COMMD1: variants seen among roughly 807,000 people sequenced by gnomAD.
COMMD1 encodes COMM domain-containing protein 1.
A neutral mutation model predicts 17.2 loss-of-function variants in COMMD1; 10 were observed. The ratio of observed to expected loss-of-function variants is 0.58; its 90% CI spans 0.36 to 0.99. COMMD1 has a LOEUF of 0.99. Among genes scored for constraint, COMMD1 ranks in the 50% least tolerant of loss-of-function variants. The pLI is 0.01. For missense variants in COMMD1, 270 were observed against 231.8 expected, an observed-to-expected ratio of 1.17 and a Z score of -1.07; for synonymous variants, 97 against 91.6, an observed-to-expected ratio of 1.06 and a Z score of -0.34.
chr2:61,951,924 A>G (rs567037346), intron 1 of COMMD1, among the ~76,000 whole-genome samples: 102 of 152,250 alleles, frequency 6.7e-4, no homozygotes, highest in Non-Finnish European at 1.3e-3. Flanking sequence ...TTCACTCAGC[A>G]TAATTATTCT....
chr2:61,952,357 G>A (rs1219093219), intron 1 of COMMD1, among the ~76,000 whole-genome samples: 1 of 152,090 alleles, frequency 6.6e-6, no homozygotes, highest in Non-Finnish European at 1.5e-5. Flanking sequence ...CAGGAGTCCT[G>A]TGGCCAGAGG....
chr2:62,044,026 A>T (rs1670308125), intron 2 of COMMD1, among the ~76,000 whole-genome samples: 1 of 152,186 alleles, frequency 6.6e-6, no homozygotes, highest in Admixed American at 6.5e-5. Context: ...TTTTCCACAC[A>T]AAAATCATGA....
At chr2:62,021,453 A>G (rs1573080620) in intron 2 of COMMD1, among the ~76,000 whole-genome samples, 2 of 152,184 alleles carry the variant, frequency 1.3e-5, no homozygotes, top group Non-Finnish European at 2.9e-5. Context: ...AGAAATGTGT[A>G]TCTTTAATAA....
chr2:62,127,076 C>G (rs946724842), intron 2 of COMMD1, among the ~76,000 whole-genome samples: 2 of 152,068 alleles, frequency 1.3e-5, no homozygotes, highest in African/African-American at 2.4e-5. Flanking sequence ...TTCCTGTACA[C>G]CAACAACAGG....
At chr2:61,983,774 A>T (rs1672023501) in intron 1 of COMMD1, among the ~76,000 whole-genome samples, 1 of 152,038 alleles carries the variant, frequency 6.6e-6, no homozygotes, top group African/African-American at 2.4e-5. Context: ...TTATCTTTTC[A>T]AAAAACCAAC....
At chr2:61,901,196 C>G (rs1669648998), upstream of COMMD1, among the ~76,000 whole-genome samples, 1 of 151,676 alleles carries the variant, frequency 6.6e-6, no homozygotes, top group African/African-American at 2.4e-5. Flanking sequence ...ATCTGCCTGC[C>G]TCGGCCTCCC....
intron 2 of COMMD1, among the ~76,000 whole-genome samples, chr2:62,046,487 G>A (rs1242989680): frequency 6.6e-6 from 1 of 152,200 alleles, no homozygotes; most frequent in African/African-American, 2.4e-5. Context: ...CCTATGACTT[G>A]TAAGAGAATT....
chr2:62,042,752 A>T (rs1005696483), intron 2 of COMMD1, among the ~76,000 whole-genome samples: 1 of 151,874 alleles, frequency 6.6e-6, no homozygotes, highest in South Asian at 2.1e-4. Context: ...CAAGTTGTCA[A>T]CTCTCACTAG....
intron 2 of COMMD1, among the ~76,000 whole-genome samples, chr2:62,003,091 G>A: frequency 6.6e-6 from 1 of 152,036 alleles, no homozygotes; most frequent in South Asian, 2.1e-4. Flanking sequence ...AAATTAGCTG[G>A]GCATGGTGGC....
At position 62,098,958 on chromosome 2, in the gene COMMD1, T is replaced by A. The variant is rs141851484; in HGVS notation, c.463-36873T>A. Among the ~76,000 whole-genome samples the A allele has an allele frequency of 8.6e-4, 131 of 152,334 alleles. 2 individuals carry two copies. The East Asian group carries it at 0.024, about 27-fold the overall frequency. ...AGGGATCTTCAGTCGGACTGGGGAA[T>A]CCAGGTACCAGGGCCTTTAACTCTG... On this transcript the variant is annotated intron_variant, in intron 2 of 2. Coordinates refer to ENST00000311832, the MANE Select transcript of COMMD1 (RefSeq NM_152516.4).
intron 1 of COMMD1, among the ~76,000 whole-genome samples, chr2:61,945,166 G>A (rs562600620): frequency 1.4e-4 from 21 of 152,208 alleles, no homozygotes; most frequent in African/African-American, 4.3e-4. Flanking sequence ...AACTTTAGCC[G>A]AATGAAAGCC....
At chr2:62,077,824 C>T (rs770069462) in intron 2 of COMMD1, among the ~76,000 whole-genome samples, 6 of 152,084 alleles carry the variant, frequency 3.9e-5, no homozygotes, top group Non-Finnish European at 7.4e-5. Context: ...CAAGGAAATA[C>T]ATTTCAGAAA....
chr2:62,072,256 A>T (rs1173209792), intron 2 of COMMD1, among the ~76,000 whole-genome samples: 3 of 152,128 alleles, frequency 2.0e-5, no homozygotes, highest in Non-Finnish European at 4.4e-5. Flanking sequence ...CCTGAAAACC[A>T]AGCTGCCAGT....
chr2:61,980,910 G>A (rs1671936524), intron 1 of COMMD1, among the ~76,000 whole-genome samples: 1 of 152,166 alleles, frequency 6.6e-6, no homozygotes, highest in Admixed American at 6.5e-5. Context: ...GATCAATGAT[G>A]TTGAGCATCT....
chr2:62,009,693 T>G (rs1020563992), intron 2 of COMMD1, among the ~76,000 whole-genome samples: 1 of 152,024 alleles, frequency 6.6e-6, no homozygotes, highest in Non-Finnish European at 1.5e-5. Flanking sequence ...AAAAAATCTA[T>G]GAAAATCTAA....
intron 2 of COMMD1, among the ~76,000 whole-genome samples, chr2:62,035,314 C>T (rs1403648683): frequency 6.6e-6 from 1 of 152,204 alleles, no homozygotes; most frequent in East Asian, 1.9e-4. Context: ...ATTCAAAGCT[C>T]AACTGAAAAC....
intron 1 of COMMD1, among the ~76,000 whole-genome samples, chr2:61,945,948 A>G (rs1421229038): frequency 6.6e-6 from 1 of 152,206 alleles, no homozygotes; most frequent in Non-Finnish European, 1.5e-5. Context: ...GTTTCTTATC[A>G]GACTTAAAGT....
chr2:61,925,196 G>GGA (rs1229229888), intron 1 of COMMD1, among the ~76,000 whole-genome samples: 70 of 151,676 alleles, frequency 4.6e-4, no homozygotes, highest in Non-Finnish European at 7.2e-4. Context: ...AGAGAGTGGG[G>GGA]GAGAGAGAGA....
chr2:62,078,496 T>G (rs1304139590), intron 2 of COMMD1, among the ~76,000 whole-genome samples: 4 of 136,878 alleles, frequency 2.9e-5, no homozygotes, highest in African/African-American at 1.1e-4. Context: ...GAGCTTGCAG[T>G]GAGCTGAAAT....
Sources: allele counts gnomAD v4.1 joint callset (sites outside exome capture counted in the v4.1 genomes callset), GRCh38; gene constraint gnomAD v4.1.1; transcripts MANE v1.5; gene names NCBI Gene and HGNC (gene_info 2026-07-23, HGNC 2026-07-21).